Variants in SMC2 observed in about 807,000 individuals in gnomAD.
SMC2 encodes the protein structural maintenance of chromosomes protein 2.
SMC2 carries 41 observed loss-of-function variants against 142.6 expected under a neutral mutation model. The observed-to-expected ratio is 0.29, with a 90% confidence interval of 0.22 to 0.37. The LOEUF (loss-of-function observed/expected upper bound fraction) is 0.37. SMC2 is among the 10% of genes least tolerant of loss of function. The pLI is 1.00. For missense variants in SMC2, 1,265 were observed against 1,373.7 expected (o/e 0.92, Z 1.25); for synonymous variants, 463 against 457.5 (o/e 1.01, Z -0.15).
In SMC2 at chr9:104,102,515, A is replaced by G. The variant is rs1831276935; in HGVS notation, c.962A>G (p.Lys321Arg). The change falls in exon 9 of 25, where the codon AAG becomes AGG. Residue 321 changes from lysine to arginine, a missense_variant. Lys to Arg is a conservative substitution (Grantham distance 26). Around this residue, in one of 4 missense-constraint regions of SMC2, gnomAD observed 898 missense variants for 904.2 expected, o/e 0.99. Coordinates refer to ENST00000374793, the MANE Select transcript of SMC2 (RefSeq NM_006444.3). ...TCTCAAAGCGCATTTGATCTCAAGA[A>G]GAAAAATCTGGCATGTGAGGAAAGC... ...TKSQSAFDLK[K>R]KNLACEESKR... 1 of 1,613,894 alleles carries G rather than the reference A, an allele frequency of 6.2e-7. No homozygotes were observed. Among genetic ancestry groups the G allele is most frequent in the Non-Finnish European group, 8.5e-7 (1 of 1,179,880 alleles).
At chr9:104,137,320 T>TAAAG (rs1196157838) in intron 23 of SMC2, among the ~76,000 whole-genome samples, 1 of 152,052 alleles carries the variant, frequency 6.6e-6, no homozygotes, top group East Asian at 1.9e-4. Context: ...TATATATTTG[T>TAAAG]AAAGAAAAAA....
In SMC2 at chr9:104,127,420, T is replaced by G; in HGVS notation, c.2730T>G (p.Ile910Met). Residue 910 changes from isoleucine to methionine, a missense_variant, in exon 20 of 25, where the codon ATT (isoleucine) becomes ATG (methionine). Ile to Met is a conservative substitution (Grantham distance 10). This residue lies in a region of SMC2 where 898 missense variants were observed against 904.2 expected (regional missense o/e 0.99). Coordinates refer to ENST00000374793, the MANE Select transcript of SMC2 (RefSeq NM_006444.3). ...KEQNNDSQLK[I>M]KELDHNISKH... ...AAAACAATGATTCTCAGCTTAAAAT[T>G]AAGGAATTAGACCACAACATCAGCA... 1 of 1,613,662 alleles carries G rather than the reference T, an allele frequency of 6.2e-7. No individual in the cohort carries two copies. The highest frequency in any genetic ancestry group is 2.2e-5 in the East Asian group (1 of 44,848).
chr9:104,122,003 T>G (rs1315858643), intron 16 of SMC2, among the ~76,000 whole-genome samples: 1 of 152,144 alleles, frequency 6.6e-6, no homozygotes, highest in East Asian at 1.9e-4. Flanking sequence ...GTTCTATCCT[T>G]TTTACTTTCA....
At chr9:104,098,377 T>G in intron 3 of SMC2, 69 bp from the exon 4 acceptor site, 1 of 1,284,508 alleles carries the variant, frequency 7.8e-7, no homozygotes, top group Non-Finnish European at 1.1e-6. Context: ...CGTAAGCTAA[T>G]ATACTTAGTT....
At chr9:104,110,727 A>G (rs1395687880) in intron 9 of SMC2, among the ~76,000 whole-genome samples, 1 of 152,174 alleles carries the variant, frequency 6.6e-6, no homozygotes, top group Non-Finnish European at 1.5e-5. Flanking sequence ...CATGTTCCTC[A>G]GGGCTTTCAA....
chr9:104,106,059 C>G (rs1831732430), intron 9 of SMC2, among the ~76,000 whole-genome samples: 1 of 152,162 alleles, frequency 6.6e-6, no homozygotes, highest in Non-Finnish European at 1.5e-5. Flanking sequence ...CCATAATGCC[C>G]TAGTCGGATG....
rs184374538 is a variant in SMC2, at chr9:104,094,329, C to T, written c.-210C>T. 816 of 398,742 alleles carry T rather than the reference C, an allele frequency of 2.0e-3. 5 individuals are homozygous for T. Among genetic ancestry groups the T allele is most frequent in the African/African-American group, 0.015 (733 of 48,760 alleles). 24.7% of individuals were successfully genotyped at this position (398,742 alleles called of 1,614,324 possible). On this transcript the variant is annotated 5_prime_UTR_variant, in exon 1 of 25. Coordinates refer to ENST00000374793, the MANE Select transcript of SMC2 (RefSeq NM_006444.3). ...AATTCAAAGGAATAAATAGTTCCGGCGCGGGTGTTGAGAGCGGTGTGGCAG... is the reference window on the plus strand; with the variant it reads ...AATTCAAAGGAATAAATAGTTCCGGTGCGGGTGTTGAGAGCGGTGTGGCAG...
chr9:104,093,443 C>T (rs993746918), upstream of SMC2, among the ~76,000 whole-genome samples: 2 of 152,148 alleles, frequency 1.3e-5, no homozygotes, highest in African/African-American at 4.8e-5. Flanking sequence ...TAACCTTTTA[C>T]TTGGTCTCAT....
Position 104,140,523 on chromosome 9 carries a change from T to C in SMC2, c.*1208T>C, listed in dbSNP as rs552396723. 1.3e-5 allele frequency: 2 copies of C among 152,686 alleles called. No individual in the cohort carries two copies. Among genetic ancestry groups the C allele is most frequent in the East Asian group, 1.9e-4 (1 of 5,192 alleles). The allele number at this position is 152,686 out of a possible 1,614,324, so 9.5% of individuals were successfully genotyped here. Reference sequence around the variant, plus strand: ...TGTTATTATCATACTTCCCCTGATATATGGCCGTACTTCCTGGCCCTGGGC... The same window carrying C: ...TGTTATTATCATACTTCCCCTGATACATGGCCGTACTTCCTGGCCCTGGGC... On this transcript the variant is annotated 3_prime_UTR_variant, in exon 25 of 25. Coordinates refer to ENST00000374793, the MANE Select transcript of SMC2 (RefSeq NM_006444.3).
Position 104,140,023 on chromosome 9 carries a change from T to C in SMC2, c.*708T>C, listed in dbSNP as rs1301751907. On this transcript the variant is annotated 3_prime_UTR_variant, in exon 25 of 25. Transcript: ENST00000374793. ...TTTGTTTTTTTAAGCTGTGTAAGTA[T>C]TTTTAAATCAAAGCTTAGGAGGTGT... 6.6e-6 allele frequency: 1 copy of C among 152,164 alleles called. No homozygotes were observed. The highest frequency in any genetic ancestry group is 2.4e-5 in the African/African-American group (1 of 41,448). 9.4% of individuals were successfully genotyped at this position (152,164 alleles called of 1,614,324 possible). A position where few individuals can be genotyped will look rare whatever the true frequency, so the allele number is the denominator to read the frequency against.
At position 104,140,287 on chromosome 9, in the gene SMC2, G is replaced by A. The variant is rs990936524; in HGVS notation, c.*972G>A. On this transcript the variant is annotated 3_prime_UTR_variant, in exon 25 of 25. Transcript: ENST00000374793. ...AAAGTTGGATGATTATTTGTCTTCC[G>A]CTTTCCAGTTCAAAGGGATGAAATT... is the stretch of plus-strand genomic sequence containing the variant. 7.2e-5 allele frequency: 11 copies of A among 151,972 alleles called. No homozygotes were observed. The highest frequency in any genetic ancestry group is 1.4e-4 in the African/African-American group (6 of 41,398). The allele number at this position is 151,972 out of a possible 1,614,324, so 9.4% of individuals were successfully genotyped here. A position where few individuals can be genotyped will look rare whatever the true frequency, so the allele number is the denominator to read the frequency against.
intron 16 of SMC2, among the ~76,000 whole-genome samples, chr9:104,121,262 G>T (rs534487548): frequency 6.6e-6 from 1 of 152,292 alleles, no homozygotes; most frequent in East Asian, 1.9e-4. Flanking sequence ...GGAGGCTGAG[G>T]CGGGTGGATC....
intron 23 of SMC2, among the ~76,000 whole-genome samples, chr9:104,137,487 G>A (rs1341549561): frequency 6.6e-6 from 1 of 152,036 alleles, no homozygotes; most frequent in Non-Finnish European, 1.5e-5. Context: ...TAGAGTAATG[G>A]CCATAGTCTA....
At chr9:104,116,481 T>C (rs1833133778) in intron 14 of SMC2, among the ~76,000 whole-genome samples, 162 bp downstream of exon 14, 1 of 152,132 alleles carries the variant, frequency 6.6e-6, no homozygotes, top group African/African-American at 2.4e-5. Flanking sequence ...AGAATAGAGA[T>C]GTTGGAAGAC....
At position 104,102,151 on chromosome 9, in the gene SMC2, A is replaced by G. The variant is rs776716700; in HGVS notation, c.828A>G (p.Ala276=). The G allele has an allele frequency of 6.3e-7, 1 of 1,578,810 alleles. No homozygotes were observed. The highest frequency in any genetic ancestry group is 1.1e-5 in the South Asian group (1 of 88,830). The part of the protein sequence containing the change: ...ELSENDKKIK[A]LNHEIEELEK... Reference sequence around the variant, plus strand: ...CTGAGAATGATAAAAAAATAAAAGCACTTAATCATGAAATAGAAGAATTGG... The same window carrying G: ...CTGAGAATGATAAAAAAATAAAAGCGCTTAATCATGAAATAGAAGAATTGG... Residue 276 remains alanine, a synonymous_variant, in exon 8 of 25, where the codon GCA becomes GCG. Transcript: ENST00000374793.
intron 19 of SMC2, 121 bp from the exon 20 acceptor site, chr9:104,127,164 TC>T (rs1834402114): frequency 1.5e-6 from 1 of 686,434 alleles, no homozygotes. Context: ...GGTTAGGTGA[TC>T]ATCTCTCTGC....
intron 7 of SMC2, 129 bp downstream of exon 7, chr9:104,100,562 T>C (rs1830999172): frequency 1.6e-6 from 1 of 608,288 alleles, no homozygotes; most frequent in African/African-American, 1.9e-5. Context: ...GGAATTAGAG[T>C]TGGCACTCCA....
upstream of SMC2, chr9:104,092,917 C>G (rs931084449): frequency 2.6e-5 from 4 of 152,116 alleles, no homozygotes; most frequent in Non-Finnish European, 5.9e-5. Context: ...CAAGTGGCAT[C>G]TTGGGAAGTG....
chr9:104,138,143 G>A lies in SMC2; in HGVS notation c.3395G>A (p.Arg1132His), dbSNP rs772576514. ...SHTQNIGQML[R>H]THFTHSQFIV... is the part of the protein sequence containing the mutation. ...ACCCAAAACATTGGACAGATGCTGC[G>A]TACTCATTTCACACATTCTCAGGTA... Residue 1132 changes from arginine (R) to histidine (H), a missense_variant, in exon 24 of 25, where the codon CGT becomes CAT. By Grantham distance (29) the Arg-to-His change is conservative. This residue lies in a region of SMC2 where 192 missense variants were observed against 261.9 expected (regional missense o/e 0.73). Transcript: ENST00000374793. 93 of 1,603,898 alleles carry A rather than the reference G, an allele frequency of 5.8e-5. No individual in the cohort carries two copies. The highest frequency in any genetic ancestry group is 7.3e-5 in the Non-Finnish European group (86 of 1,173,648).
Sources: allele counts gnomAD v4.1 joint callset (sites outside exome capture counted in the v4.1 genomes callset), GRCh38; gene constraint gnomAD v4.1.1; regional missense constraint gnomAD v4.1.1; transcripts MANE v1.5; gene names NCBI Gene and HGNC (gene_info 2026-07-23, HGNC 2026-07-21).